Variants in IAPP observed in about 807,000 individuals in gnomAD.
IAPP encodes the protein Islet amyloid polypeptide (diabetes-associated peptide; amylin).
In IAPP, 4 loss-of-function variants were observed where a neutral mutation model predicts 2.9. The ratio of observed to expected loss-of-function variants is 1.39; its 90% CI spans 0.69 to 3.19. The LOEUF is 3.19. Among genes scored for constraint, IAPP ranks in the 30% most tolerant of loss-of-function variants. IAPP has a pLI of 0.01. For missense variants in IAPP, 114 were observed against 105.3 expected (o/e 1.08, Z -0.36); for synonymous variants, 40 against 42.1 (o/e 0.95, Z 0.19).
At position 21,361,982 on chromosome 12, in the gene IAPP, T is replaced by A. The variant is rs191219350; in HGVS notation, c.-16+6969T>A. 6.9e-4 allele frequency among the ~76,000 whole-genome samples: 105 copies of A among 152,278 alleles called. 1 individual carries two copies. The highest frequency in any genetic ancestry group is 2.5e-3 in the African/African-American group (104 of 41,566). On this transcript the variant is annotated intron_variant, in intron 1 of 2. Coordinates refer to the IAPP transcript ENST00000539393. ...TTGGAAAACACTCTTCAGGATATCA[T>A]GCCGGAGAACTTCCCCAACCTAGCG...
At chr12:21,368,463 C>G (rs1333447279), upstream of IAPP, among the ~76,000 whole-genome samples, 1 of 135,584 alleles carries the variant, frequency 7.4e-6, no homozygotes, top group Non-Finnish European at 1.6e-5. Flanking sequence ...TCCAACAAAC[C>G]AGTTAAATTT....
intron 1 of IAPP, among the ~76,000 whole-genome samples, chr12:21,366,397 CG>C (rs952253973): frequency 3.1e-4 from 5 of 16,350 alleles, no homozygotes; most frequent in East Asian, 2.7e-3. Flanking sequence ...ACGGGCCTGC[CG>C]GGGGGTGGGC....
upstream of IAPP, among the ~76,000 whole-genome samples, chr12:21,368,734 A>G (rs1010529450): frequency 1.3e-5 from 2 of 152,136 alleles, no homozygotes; most frequent in Non-Finnish European, 2.9e-5. Context: ...TAATTGTTCT[A>G]ATTTTATATA....
intron 1 of IAPP, among the ~76,000 whole-genome samples, chr12:21,359,580 A>G (rs573441895): frequency 6.6e-6 from 1 of 152,210 alleles, no homozygotes; most frequent in African/African-American, 2.4e-5. Flanking sequence ...TCACTAATAA[A>G]TGTCAATGGA....
chr12:21,359,840 A>G (rs1285832970), intron 1 of IAPP, among the ~76,000 whole-genome samples: 1 of 152,230 alleles, frequency 6.6e-6, no homozygotes, highest in Non-Finnish European at 1.5e-5. Context: ...AGACTTGTAC[A>G]TGAATATTTG....
chr12:21,378,505 A>AGT lies in IAPP; in HGVS notation c.*83_*84dup. On this transcript the variant is annotated 3_prime_UTR_variant, in exon 3 of 3. Coordinates refer to ENST00000240652, the MANE Select transcript of IAPP (RefSeq NM_000415.3). ...ATTTAACAGTGCCCTTTTCATCTCC[A>AGT]GTGTGAATATATGGTCTGTGTGTCT... 1 of 1,147,022 alleles carries AGT rather than the reference A, an allele frequency of 8.7e-7. No homozygotes were observed. The highest frequency in any genetic ancestry group is 1.3e-6 in the Non-Finnish European group (1 of 759,026). 71.1% of individuals were successfully genotyped at this position (1,147,022 alleles called of 1,614,324 possible).
At chr12:21,367,286 A>T (rs948878968) in intron 1 of IAPP, among the ~76,000 whole-genome samples, 8 of 152,198 alleles carry the variant, frequency 5.3e-5, no homozygotes, top group African/African-American at 1.9e-4. Context: ...CTACTGCAGT[A>T]TATGTTCCAT....
At chr12:21,363,221 A>G (rs1256077615) in intron 1 of IAPP, among the ~76,000 whole-genome samples, 1 of 152,222 alleles carries the variant, frequency 6.6e-6, no homozygotes, top group Non-Finnish European at 1.5e-5. Context: ...CAATCAAACT[A>G]GAACTCAGGA....
At chr12:21,357,803 T>C (rs113332445) in intron 1 of IAPP, among the ~76,000 whole-genome samples, 157 of 152,270 alleles carry the variant, frequency 1.0e-3, no homozygotes, top group African/African-American at 3.5e-3. Flanking sequence ...CAGGAGTCCT[T>C]AAAAAATGCA....
intron 2 of IAPP, among the ~76,000 whole-genome samples, chr12:21,375,482 A>G (rs924932447): frequency 2.6e-5 from 4 of 152,234 alleles, no homozygotes; most frequent in Non-Finnish European, 5.9e-5. Context: ...ACAAAATTTA[A>G]TCATCTCATT....
chr12:21,365,034 T>G (rs1054387120), intron 1 of IAPP, among the ~76,000 whole-genome samples: 5 of 152,126 alleles, frequency 3.3e-5, no homozygotes, highest in Admixed American at 6.5e-5. Flanking sequence ...TTCACAGAAT[T>G]GGAAAAAACT....
intron 2 of IAPP, among the ~76,000 whole-genome samples, chr12:21,375,021 A>T (rs12308285): frequency 0.33 from 49,866 of 151,820 alleles, 11,038 homozygotes; most frequent in African/African-American, 0.64. Context: ...TCTCCCTATG[A>T]TGCCCAGGCT....
At chr12:21,361,599 T>C (rs1431293194) in intron 1 of IAPP, among the ~76,000 whole-genome samples, 1 of 152,140 alleles carries the variant, frequency 6.6e-6, no homozygotes, top group Non-Finnish European at 1.5e-5. Flanking sequence ...TTCTCCGAGC[T>C]AAAGGAGGAT....
chr12:21,366,912 G>C (rs1286764667), intron 1 of IAPP, among the ~76,000 whole-genome samples: 2 of 151,982 alleles, frequency 1.3e-5, no homozygotes. Context: ...GAGGAAAGCA[G>C]AGAAAATGGA....
At chr12:21,363,853 G>T (rs562793159) in intron 1 of IAPP, among the ~76,000 whole-genome samples, 1 of 152,240 alleles carries the variant, frequency 6.6e-6, no homozygotes, top group East Asian at 1.9e-4. Flanking sequence ...CCAGGAAGAA[G>T]CTGAATCCCT....
chr12:21,360,878 AAGC>A (rs1938802632), intron 1 of IAPP, among the ~76,000 whole-genome samples: 2 of 152,110 alleles, frequency 1.3e-5, no homozygotes, highest in Non-Finnish European at 2.9e-5. Flanking sequence ...AAGGTAAACA[AAGC>A]AGCTAGGAAC....
upstream of IAPP, among the ~76,000 whole-genome samples, chr12:21,371,748 A>G (rs1345362394): frequency 6.6e-6 from 1 of 152,186 alleles, no homozygotes; most frequent in East Asian, 1.9e-4. Context: ...GACGCCTGTA[A>G]TCCCAGCACT....
intron 1 of IAPP, among the ~76,000 whole-genome samples, chr12:21,366,940 GA>G (rs1057490114): frequency 6.6e-6 from 1 of 151,744 alleles, no homozygotes; most frequent in African/African-American, 2.4e-5. Flanking sequence ...CAAATATCAA[GA>G]AAAAATTCAA....
intron 1 of IAPP, among the ~76,000 whole-genome samples, chr12:21,355,621 T>C (rs1315018100): frequency 4.6e-5 from 7 of 152,190 alleles, no homozygotes; most frequent in Non-Finnish European, 1.0e-4. Context: ...GGGAATTCTG[T>C]ATAGTGGCAA....
Sources: gnomAD v4.1 joint callset for allele counts (sites outside exome capture counted in the v4.1 genomes callset) on GRCh38, gnomAD v4.1.1 for gene constraint, MANE v1.5 for transcripts, NCBI Gene and HGNC (gene_info 2026-07-23, HGNC 2026-07-21) for gene names.